Variants in BARD1 observed in about 807,000 individuals in gnomAD.
BARD1 encodes BRCA1 associated RING domain 1.
BARD1 carries 73 observed loss-of-function variants against 77.0 expected under a neutral mutation model. The observed-to-expected ratio is 0.95, with a 90% CI of 0.79 to 1.15. The LOEUF (loss-of-function observed/expected upper bound fraction) is 1.15, where lower values mean the gene tolerates loss of function less well. Ranked by LOEUF, BARD1 falls within the 50% of genes most tolerant of loss-of-function variation. BARD1 has a pLI of 0.00. For synonymous variants in BARD1, 384 were observed against 338.0 expected (o/e 1.14, Z -1.49); for missense variants, 993 against 938.8 (o/e 1.06, Z -0.75).
intron 6 of BARD1, among the ~76,000 whole-genome samples, chr2:214,766,755 TATAA>T (rs1378943811): frequency 6.6e-6 from 1 of 152,234 alleles, no homozygotes; most frequent in African/African-American, 2.4e-5. Flanking sequence ...TGAAATGCTG[TATAA>T]ATATTTATAC....
intron 4 of BARD1, among the ~76,000 whole-genome samples, chr2:214,776,142 C>T (rs1694728279): frequency 6.6e-6 from 1 of 152,118 alleles, no homozygotes; most frequent in African/African-American, 2.4e-5. Context: ...TCAAGCCATT[C>T]TTCTATTCCA....
At chr2:214,746,432 T>A (rs1693120112) in intron 7 of BARD1, among the ~76,000 whole-genome samples, 2 of 151,998 alleles carry the variant, frequency 1.3e-5, no homozygotes, top group Admixed American at 1.3e-4. Flanking sequence ...TCCATATAGC[T>A]CACGACTAAG....
intron 9 of BARD1, among the ~76,000 whole-genome samples, chr2:214,736,865 A>G (rs1392297106): frequency 6.6e-6 from 1 of 152,160 alleles, no homozygotes; most frequent in African/African-American, 2.4e-5. Flanking sequence ...AGTTACAATG[A>G]TTGAGTTAAA....
At chr2:214,795,007 C>T (rs1449384977) in intron 2 of BARD1, among the ~76,000 whole-genome samples, 1 of 152,132 alleles carries the variant, frequency 6.6e-6, no homozygotes, top group Non-Finnish European at 1.5e-5. Context: ...ATCCCCCACC[C>T]CACCACACAC....
Position 214,725,980 on chromosome 2 carries a change from C to T in BARD1, c.*2696G>A, listed in dbSNP as rs900326048. On this transcript the variant is annotated 3_prime_UTR_variant, in exon 11 of 11. Transcript: ENST00000260947. ...ATTCCCACAGGAAACATCAAACCTCCCCAAATATCATCCTCTAGGCAGAGG... is the reference window on the plus strand; with the variant it reads ...ATTCCCACAGGAAACATCAAACCTCTCCAAATATCATCCTCTAGGCAGAGG... The T allele has an allele frequency of 8.9e-6, 2 of 225,788 alleles. No individual in the cohort carries two copies. Among genetic ancestry groups the T allele is most frequent in the Admixed American group, 1.1e-4 (2 of 17,516 alleles). 14.0% of individuals were successfully genotyped at this position (225,788 alleles called of 1,614,324 possible). A position where few individuals can be genotyped will look rare whatever the true frequency, so the allele number is the denominator to read the frequency against.
At chr2:214,729,136 T>C (rs2105988293) in intron 10 of BARD1, 128 bp from the exon 11 acceptor site, 2 of 1,158,962 alleles carry the variant, frequency 1.7e-6, no homozygotes, top group South Asian at 1.5e-5. Context: ...AGGAGAAGCA[T>C]TTCAGATTCA....
At chr2:214,775,596 T>C (rs1160463532) in intron 4 of BARD1, among the ~76,000 whole-genome samples, 1 of 151,956 alleles carries the variant, frequency 6.6e-6, no homozygotes, top group African/African-American at 2.4e-5. Context: ...GCATAGGCTG[T>C]TGGAAAAACA....
intron 1 of BARD1, 73 bp downstream of exon 1, chr2:214,809,339 A>G (rs1696445612): frequency 6.3e-7 from 1 of 1,588,238 alleles, no homozygotes; most frequent in Non-Finnish European, 8.6e-7. Context: ...GGAAGATTTG[A>G]AAAGATTCTG....
chr2:214,807,961 G>A (rs1696352216), intron 1 of BARD1, among the ~76,000 whole-genome samples: 1 of 152,114 alleles, frequency 6.6e-6, no homozygotes, highest in African/African-American at 2.4e-5. Context: ...TGTGCTACAG[G>A]AAAACAAACA....
Position 214,781,504 on chromosome 2 carries a change from T to A in BARD1, c.370A>T (p.Lys124Ter). The A allele has an allele frequency of 6.2e-7, 1 of 1,608,400 alleles. No homozygotes were observed. Among genetic ancestry groups the A allele is most frequent in the Non-Finnish European group, 8.5e-7 (1 of 1,177,030 alleles). ...LLHDNELSDL[K>*]EDKPRKSLFN... Reference sequence around the variant, plus strand: ...AAACTTTTCCTAGGTTTATCTTCTTTCAAATCTGACAGAAAAAAAGAAAAA... The same window carrying A: ...AAACTTTTCCTAGGTTTATCTTCTTACAAATCTGACAGAAAAAAAGAAAAA... Residue 124 changes from lysine (K) to a stop codon, truncating the protein, a stop_gained, in exon 4 of 11, where the codon AAA becomes TAA. Transcript: ENST00000260947. LOFTEE classifies it high-confidence loss of function.
At chr2:214,787,083 T>C (rs1695307392) in intron 3 of BARD1, among the ~76,000 whole-genome samples, 1 of 151,914 alleles carries the variant, frequency 6.6e-6, no homozygotes, top group South Asian at 2.1e-4. Context: ...TTTTTTTTAA[T>C]TATTTTAAAC....
At position 214,780,706 on chromosome 2, in the gene BARD1, G is replaced by A. The variant is rs774439137; in HGVS notation, c.1168C>T (p.Leu390Phe). The A allele has an allele frequency of 6.2e-7, 1 of 1,614,070 alleles. No homozygotes were observed. The highest frequency in any genetic ancestry group is 2.2e-5 in the East Asian group (1 of 44,878). ...GTAGAAGGTGGTGTACCTGGTGAAA[G>A]ACTAATGAATTCATCGGACATGTTA... Reference protein sequence around the residue: ...NSNMSDEFISLSPGTPPSTLS... With the variant: ...NSNMSDEFISFSPGTPPSTLS... Residue 390 changes from leucine to phenylalanine, a missense_variant, in exon 4 of 11, where the codon CTT becomes TTT. Leu to Phe is a conservative substitution (Grantham distance 22, BLOSUM62 0). Coordinates refer to ENST00000260947, the MANE Select transcript of BARD1 (RefSeq NM_000465.4).
chr2:214,804,741 T>C (rs930609574), intron 1 of BARD1, among the ~76,000 whole-genome samples: 1 of 152,244 alleles, frequency 6.6e-6, no homozygotes, highest in Non-Finnish European at 1.5e-5. Flanking sequence ...TATCACTGAT[T>C]TGACCCTGTC....
Position 214,728,780 on chromosome 2 carries a change from TAC to T in BARD1, c.2228_2229del (p.Cys743Ter). The T allele has an allele frequency of 6.2e-7, 1 of 1,614,178 alleles. No individual in the cohort carries two copies. Among genetic ancestry groups the T allele is most frequent in the East Asian group, 2.2e-5 (1 of 44,886 alleles). On this transcript the variant is annotated frameshift_variant, in exon 11 of 11. Transcript: ENST00000260947. LOFTEE classifies it high-confidence loss of function. ...CTQYIIYEDL[C>X]NYHPERVRQG... is the part of the protein sequence containing the mutation. ...TGCCGAACCCTCTCTGGGTGATAAT[TAC>T]ACAAATCTTCATAGATGATATACTG...
intron 5 of BARD1, among the ~76,000 whole-genome samples, chr2:214,768,941 A>G (rs1334771231): frequency 6.6e-6 from 1 of 152,202 alleles, no homozygotes; most frequent in African/African-American, 2.4e-5. Flanking sequence ...TACAGAATGG[A>G]GCCTGATGTC....
rs749378322 is a variant in BARD1, at chr2:214,792,403, A to T, written c.258T>A (p.Cys86Ter). Residue 86 changes from cysteine (C) to a stop codon, truncating the protein, a stop_gained, in exon 3 of 11, where the codon TGT (cysteine) becomes TGA (stop). Coordinates refer to ENST00000260947, the MANE Select transcript of BARD1 (RefSeq NM_000465.4). LOFTEE classifies it high-confidence loss of function. ...SDCIGTGCPV[C>*]YTPAWIQDLK... ...AGTCTTGTATCCAGGCCGGGGTGTA[A>T]CACACTGGACATCCAGTTCCAATGC... 1 of 1,612,768 alleles carries T rather than the reference A, an allele frequency of 6.2e-7. No individual in the cohort carries two copies. The highest frequency in any genetic ancestry group is 2.2e-5 in the East Asian group (1 of 44,802).
At chr2:214,763,038 T>C (rs1290499964) in intron 6 of BARD1, among the ~76,000 whole-genome samples, 1 of 152,066 alleles carries the variant, frequency 6.6e-6, no homozygotes, top group African/African-American at 2.4e-5. Context: ...ACACAGCCTT[T>C]CAAAGACCCT....
At chr2:214,778,234 T>C (rs1280359018) in intron 4 of BARD1, among the ~76,000 whole-genome samples, 2 of 125,750 alleles carry the variant, frequency 1.6e-5, no homozygotes, top group East Asian at 2.5e-4. Flanking sequence ...AAAAAATATA[T>C]AAATATATTT....
At chr2:214,731,028 T>C (rs1692331859) in intron 9 of BARD1, 2 of 395,582 alleles carry the variant, frequency 5.1e-6, no homozygotes, top group Non-Finnish European at 1.0e-5. Flanking sequence ...ACAACAGGGG[T>C]TCAACAGCGC....
Sources: allele counts gnomAD v4.1 joint callset (sites outside exome capture counted in the v4.1 genomes callset), GRCh38; gene constraint gnomAD v4.1.1; transcripts MANE v1.5; gene names NCBI Gene and HGNC (gene_info 2026-07-23, HGNC 2026-07-21).